LINGO2: variants seen among roughly 807,000 people sequenced by gnomAD.
LINGO2 encodes leucine rich repeat and Ig domain containing 2.
In LINGO2, 14 loss-of-function variants were observed where a neutral mutation model predicts 30.6. That is an observed-to-expected ratio of 0.46 (90% CI 0.30 to 0.72). The LOEUF is 0.72. Ranked by LOEUF, LINGO2 falls within the 30% of genes least tolerant of loss-of-function variation. The pLI, the probability that LINGO2 is intolerant of heterozygous loss-of-function variation, is 0.07. For synonymous variants in LINGO2, 317 were observed against 288.5 expected, an observed-to-expected ratio of 1.10 and a Z score of -1.00; for missense variants, 729 against 751.7, an observed-to-expected ratio of 0.97 and a Z score of 0.35.
chr9:28,018,258 G>A (rs934247199), intron 4 of LINGO2, among the ~76,000 whole-genome samples: 4 of 152,114 alleles, frequency 2.6e-5, no homozygotes, highest in Non-Finnish European at 4.4e-5. Context: ...AAAAGTCCCA[G>A]AGGAAAACCT....
At chr9:28,749,685 C>A in the LINGO2 span, among the ~76,000 whole-genome samples, 1 of 151,826 alleles carries the variant, frequency 6.6e-6, no homozygotes, top group African/African-American at 2.4e-5. Flanking sequence ...TGTCCAAGGC[C>A]ATCAAATATA....
the LINGO2 span, among the ~76,000 whole-genome samples, chr9:28,744,524 T>C: frequency 6.6e-6 from 1 of 151,960 alleles, no homozygotes; most frequent in Non-Finnish European, 1.5e-5. Flanking sequence ...TGTTTATTAT[T>C]TTAGTGACTT....
At chr9:28,859,534 A>G in the LINGO2 span, among the ~76,000 whole-genome samples, 1 of 152,036 alleles carries the variant, frequency 6.6e-6, no homozygotes, top group Non-Finnish European at 1.5e-5. Context: ...TTGATATGAC[A>G]TCTATTTATC....
intron 2 of LINGO2, among the ~76,000 whole-genome samples, chr9:28,471,603 C>G (rs1342219071): frequency 6.6e-6 from 1 of 152,040 alleles, no homozygotes; most frequent in African/African-American, 2.4e-5. Context: ...TAATTAAAAC[C>G]ACAATGGGAT....
chr9:28,013,204 T>G (rs961855742), intron 4 of LINGO2, among the ~76,000 whole-genome samples: 1 of 152,186 alleles, frequency 6.6e-6, no homozygotes, highest in Non-Finnish European at 1.5e-5. Flanking sequence ...TAGAATTCCC[T>G]ATTTCTGCCT....
the LINGO2 span, among the ~76,000 whole-genome samples, chr9:29,054,309 A>G: frequency 6.6e-6 from 1 of 152,192 alleles, no homozygotes; most frequent in Non-Finnish European, 1.5e-5. Context: ...AGAAAAACAA[A>G]TGGAACTGAA....
At chr9:28,579,770 T>C (rs1412686937) in intron 1 of LINGO2, among the ~76,000 whole-genome samples, 1 of 152,128 alleles carries the variant, frequency 6.6e-6, no homozygotes, top group Non-Finnish European at 1.5e-5. Context: ...TTGGATTCCC[T>C]AATATTCCTT....
At chr9:28,501,693 A>G (rs1348173276) in intron 1 of LINGO2, among the ~76,000 whole-genome samples, 53 of 152,118 alleles carry the variant, frequency 3.5e-4, no homozygotes, top group Admixed American at 3.5e-3. Flanking sequence ...AGAAACACAC[A>G]CACACCCCTA....
chr9:28,447,805 A>G (rs557813040), intron 2 of LINGO2, among the ~76,000 whole-genome samples: 28 of 152,324 alleles, frequency 1.8e-4, no homozygotes, highest in African/African-American at 5.8e-4. Flanking sequence ...TGCTTGATAT[A>G]GGAACTCATC....
rs532454502 is a variant in LINGO2 at position 28,044,349 on chromosome 9, C to T, written c.-86-31944G>A. On this transcript the variant is annotated intron_variant, in intron 4 of 5. Coordinates refer to ENST00000379992, the Ensembl canonical transcript of LINGO2. Reference sequence around the variant, plus strand: ...AAATTATATCAAATTTTTTAATGAACGTATTTCCCCATTAAATCATGTTAG... The same window carrying T: ...AAATTATATCAAATTTTTTAATGAATGTATTTCCCCATTAAATCATGTTAG... Among the ~76,000 whole-genome samples, 49 of 152,100 alleles carry T rather than the reference C, an allele frequency of 3.2e-4. No homozygotes were observed. In the South Asian group the frequency reaches 8.9e-3, roughly 28 times the overall value.
At chr9:29,055,279 T>G in the LINGO2 span, among the ~76,000 whole-genome samples, 1 of 151,690 alleles carries the variant, frequency 6.6e-6, no homozygotes, top group African/African-American at 2.4e-5. Flanking sequence ...AAAAGAAAAA[T>G]GTTTTTGTGT....
intron 3 of LINGO2, among the ~76,000 whole-genome samples, chr9:28,330,485 T>C (rs916381871): frequency 6.6e-6 from 1 of 152,200 alleles, no homozygotes; most frequent in African/African-American, 2.4e-5. Flanking sequence ...CCAATATTGA[T>C]ACATTATATT....
the LINGO2 span, among the ~76,000 whole-genome samples, chr9:28,744,407 T>C: frequency 6.6e-6 from 1 of 151,990 alleles, no homozygotes; most frequent in East Asian, 1.9e-4. Context: ...CCTGTTTCCT[T>C]TCACAGCTCA....
the LINGO2 span, among the ~76,000 whole-genome samples, chr9:28,718,270 G>C: frequency 2.6e-4 from 39 of 151,932 alleles, 1 homozygote; most frequent in East Asian, 4.3e-3. Flanking sequence ...TTCTCAGTTT[G>C]TGAACAGAGT....
the LINGO2 span, among the ~76,000 whole-genome samples, chr9:28,973,039 A>G: frequency 3.3e-5 from 5 of 152,216 alleles, no homozygotes; most frequent in African/African-American, 1.2e-4. Context: ...TATAAGATGT[A>G]GGAAATAGTT....
the LINGO2 span, among the ~76,000 whole-genome samples, chr9:29,024,703 T>A: frequency 6.6e-6 from 1 of 152,062 alleles, no homozygotes. Context: ...GATATTGAAA[T>A]GTGTCTCCTG....
the LINGO2 span, among the ~76,000 whole-genome samples, chr9:28,794,220 C>T: frequency 6.6e-6 from 1 of 152,182 alleles, no homozygotes; most frequent in East Asian, 1.9e-4. Flanking sequence ...AGGAGAATCG[C>T]TTGAATCCGG....
chr9:28,921,077 T>C, the LINGO2 span, among the ~76,000 whole-genome samples: 7 of 152,274 alleles, frequency 4.6e-5, no homozygotes, highest in East Asian at 1.2e-3. Context: ...TTATGACACA[T>C]GCGGGAATGG....
At chr9:28,154,393 C>G (rs1044722953) in intron 4 of LINGO2, among the ~76,000 whole-genome samples, 1 of 152,152 alleles carries the variant, frequency 6.6e-6, no homozygotes, top group African/African-American at 2.4e-5. Flanking sequence ...CAAAGATGAA[C>G]ACATGCAGAA....
Sources: gnomAD v4.1 joint callset for allele counts (sites outside exome capture counted in the v4.1 genomes callset) on GRCh38, gnomAD v4.1.1 for gene constraint, MANE v1.5 for transcripts, NCBI Gene and HGNC (gene_info 2026-07-23, HGNC 2026-07-21) for gene names.